Variants in ACBD6 observed in about 807,000 individuals in gnomAD.
ACBD6 encodes the protein acyl-CoA binding domain containing 6, also known as acyl-CoA-binding domain-containing protein 6.
Under a neutral mutation model 37.2 loss-of-function variants are expected in ACBD6, and 28 were observed. The ratio of observed to expected loss-of-function variants is 0.75; its 90% CI spans 0.56 to 1.03. The LOEUF (loss-of-function observed/expected upper bound fraction) is 1.03, where lower values mean the gene tolerates loss of function less well. ACBD6 is among the 50% of genes least tolerant of loss of function. ACBD6 has a pLI of 0.00. For synonymous variants in ACBD6, 113 were observed against 126.8 expected (o/e 0.89, Z 0.73); for missense variants, 340 against 337.4 (o/e 1.01, Z -0.06).
At chr1:180,317,488 G>T (rs1650858665) in intron 6 of ACBD6, among the ~76,000 whole-genome samples, 1 of 152,118 alleles carries the variant, frequency 6.6e-6, no homozygotes, top group Admixed American at 6.6e-5. Context: ...TGTAAAAATG[G>T]TTAAAATGGT....
intron 6 of ACBD6, among the ~76,000 whole-genome samples, chr1:180,393,997 C>T (rs566068175): frequency 2.0e-5 from 3 of 152,186 alleles, no homozygotes; most frequent in South Asian, 2.1e-4. Flanking sequence ...ACAAATAGAA[C>T]GTAAGAAATC....
chr1:180,295,839 C>T (rs1278046121), intron 7 of ACBD6, among the ~76,000 whole-genome samples: 3 of 152,064 alleles, frequency 2.0e-5, no homozygotes, highest in Admixed American at 1.3e-4. Flanking sequence ...TCCCTATTCC[C>T]TGAGACACAA....
At chr1:180,420,813 GGTAA>G (rs560147736) in intron 4 of ACBD6, among the ~76,000 whole-genome samples, 111 of 152,230 alleles carry the variant, frequency 7.3e-4, no homozygotes, top group African/African-American at 2.5e-3. Flanking sequence ...CAGTTTTATA[GGTAA>G]GTATAGTGTT....
intron 5 of ACBD6, among the ~76,000 whole-genome samples, chr1:180,412,916 T>C (rs771585079): frequency 7.9e-5 from 12 of 152,144 alleles, no homozygotes; most frequent in Non-Finnish European, 1.3e-4. Flanking sequence ...TACTATAGGA[T>C]TCCTTTAATT....
chr1:180,455,978 AG>A (rs1649901787), intron 3 of ACBD6, among the ~76,000 whole-genome samples: 1 of 152,202 alleles, frequency 6.6e-6, no homozygotes, highest in African/African-American at 2.4e-5. Context: ...GGTGAGGCCA[AG>A]GCGGGCGGAT....
At chr1:180,314,551 AT>A (rs1650723643) in intron 7 of ACBD6, 140 bp downstream of exon 7, 8 of 694,188 alleles carry the variant, frequency 1.2e-5, no homozygotes, top group Non-Finnish European at 9.8e-6. Flanking sequence ...GGCCTAATAC[AT>A]TTTTTTGAAC....
rs146511918 is a variant in ACBD6 at position 180,444,425 on chromosome 1, CAT to C, written c.385-14165_385-14164del. Among the ~76,000 whole-genome samples the C allele has an allele frequency of 2.6e-3, 391 of 152,264 alleles. 2 individuals carry two copies. The highest frequency in any genetic ancestry group is 8.9e-3 in the African/African-American group (368 of 41,552). On this transcript the variant is annotated intron_variant, in intron 3 of 7. Transcript: ENST00000367595. ...TTTCTAATGCAACTGCACAAATACACATGTTAGAATACACATGGTCACAATGT... is the reference window on the plus strand; with the variant it reads ...TTTCTAATGCAACTGCACAAATACACGTTAGAATACACATGGTCACAATGT...
chr1:180,463,884 A>C (rs905144682), intron 3 of ACBD6, among the ~76,000 whole-genome samples: 8 of 152,186 alleles, frequency 5.3e-5, no homozygotes, highest in African/African-American at 1.9e-4. Context: ...CATCCCTGGG[A>C]TGCAAGGTTG....
At chr1:180,365,029 G>C (rs894647268) in intron 6 of ACBD6, among the ~76,000 whole-genome samples, 44 of 152,098 alleles carry the variant, frequency 2.9e-4, no homozygotes, top group African/African-American at 1.0e-3. Context: ...CACCGCGCCT[G>C]GCCAATTCCT....
At chr1:180,284,038 TACA>T (rs1376219255), downstream of ACBD6, among the ~76,000 whole-genome samples, 2 of 152,182 alleles carry the variant, frequency 1.3e-5, no homozygotes, top group Admixed American at 6.5e-5. Flanking sequence ...AAGTGATCCA[TACA>T]AAAATCATGA....
intron 2 of ACBD6, among the ~76,000 whole-genome samples, chr1:180,494,518 T>C (rs1445628291): frequency 6.6e-6 from 1 of 152,198 alleles, no homozygotes; most frequent in African/African-American, 2.4e-5. Context: ...ACAGCGTGGT[T>C]AGTGACATAC....
intron 3 of ACBD6, among the ~76,000 whole-genome samples, chr1:180,446,988 CTGAGA>C (rs1649500491): frequency 6.6e-6 from 1 of 152,132 alleles, no homozygotes; most frequent in Non-Finnish European, 1.5e-5. Flanking sequence ...TTGTAGTGAG[CTGAGA>C]TAACCCCCGA....
rs375229732 is a variant in ACBD6 at position 180,318,169 on chromosome 1, C to T, written c.664-3447G>A. Among the ~76,000 whole-genome samples, 3 of 103,940 alleles carry T rather than the reference C, an allele frequency of 2.9e-5. 1 individual carries two copies. Among genetic ancestry groups the T allele is most frequent in the South Asian group, 3.4e-4 (1 of 2,980 alleles). The allele number at this position is 103,940 out of a possible 152,430, so 68.2% of individuals were successfully genotyped here. ...AGAGTAAGATTCCATCTCCGCCCCC[C>T]CCCCCCAAAAAAAAAAGAAAGAAAG... is the stretch of plus-strand genomic sequence containing the variant. On this transcript the variant is annotated intron_variant, in intron 6 of 7. Coordinates refer to ENST00000367595, the MANE Select transcript of ACBD6 (RefSeq NM_032360.4).
At chr1:180,459,156 G>C (rs1359733299) in intron 3 of ACBD6, among the ~76,000 whole-genome samples, 1 of 152,136 alleles carries the variant, frequency 6.6e-6, no homozygotes, top group Non-Finnish European at 1.5e-5. Flanking sequence ...TAGTCTAACA[G>C]ATAACTTAAA....
intron 3 of ACBD6, among the ~76,000 whole-genome samples, chr1:180,467,607 C>T (rs894487277): frequency 8.6e-5 from 13 of 151,930 alleles, no homozygotes; most frequent in Admixed American, 4.6e-4. Context: ...GCTATGATCA[C>T]GCTACTGCAC....
chr1:180,318,171 C>CG (rs1331667041), intron 6 of ACBD6, among the ~76,000 whole-genome samples: 2 of 103,828 alleles, frequency 1.9e-5, no homozygotes, highest in African/African-American at 4.6e-5. Flanking sequence ...CCGCCCCCCC[C>CG]CCCCAAAAAA....
intron 4 of ACBD6, among the ~76,000 whole-genome samples, chr1:180,429,808 A>T (rs56759227): frequency 0.16 from 24,314 of 152,152 alleles, 2,001 homozygotes; most frequent in Middle Eastern, 0.22. Context: ...AAAAATCCTT[A>T]GCTTTAGATT....
intron 3 of ACBD6, among the ~76,000 whole-genome samples, chr1:180,449,172 T>A (rs1649597108): frequency 6.6e-6 from 1 of 152,200 alleles, no homozygotes; most frequent in East Asian, 1.9e-4. Flanking sequence ...ATTTAGAGAC[T>A]GACAACACAA....
intron 6 of ACBD6, among the ~76,000 whole-genome samples, 181 bp downstream of exon 6, chr1:180,397,335 G>A (rs1654295701): frequency 6.6e-6 from 1 of 152,150 alleles, no homozygotes; most frequent in Non-Finnish European, 1.5e-5. Flanking sequence ...GTGGGAACAG[G>A]GTTTTCTTTT....
Sources: allele counts gnomAD v4.1 joint callset (sites outside exome capture counted in the v4.1 genomes callset), GRCh38; gene constraint gnomAD v4.1.1; transcripts MANE v1.5; gene names NCBI Gene and HGNC (gene_info 2026-07-23, HGNC 2026-07-21).